Variants in EPSTI1 observed in about 807,000 individuals in gnomAD.
EPSTI1 encodes the protein epithelial stromal interaction 1.
EPSTI1 carries 66 observed loss-of-function variants against 49.9 expected under a neutral mutation model. The observed-to-expected ratio is 1.32, with a 90% CI of 1.08 to 1.62. The LOEUF (loss-of-function observed/expected upper bound fraction) is 1.62, where lower values mean the gene tolerates loss of function less well. Among genes scored for constraint, EPSTI1 ranks in the 40% most tolerant of loss-of-function variants. The pLI, the probability that EPSTI1 is intolerant of heterozygous loss-of-function variation, is 0.00. For synonymous variants in EPSTI1, 137 were observed against 130.7 expected, an observed-to-expected ratio of 1.05 and a Z score of -0.33; for missense variants, 394 against 365.5, an observed-to-expected ratio of 1.08 and a Z score of -0.64.
intron 8 of EPSTI1, among the ~76,000 whole-genome samples, chr13:42,911,269 G>GCGCA (rs373781729): frequency 1.4e-5 from 2 of 138,084 alleles, no homozygotes; most frequent in African/African-American, 2.8e-5. Context: ...GTGTGTGCGC[G>GCGCA]CGCACGCGCG....
At chr13:42,891,449 C>G (rs933576923) in intron 10 of EPSTI1, among the ~76,000 whole-genome samples, 5 of 152,166 alleles carry the variant, frequency 3.3e-5, no homozygotes, top group African/African-American at 1.2e-4. Flanking sequence ...CCCACTTCCC[C>G]ACAGCCTTGC....
intron 5 of EPSTI1, among the ~76,000 whole-genome samples, chr13:42,956,697 ATGG>A (rs1243694888): frequency 6.6e-6 from 1 of 152,182 alleles, no homozygotes; most frequent in East Asian, 1.9e-4. Context: ...AAAGGCAACC[ATGG>A]GCTGGTAGTA....
chr13:42,941,283 G>A (rs2038742237), intron 6 of EPSTI1, among the ~76,000 whole-genome samples: 1 of 152,038 alleles, frequency 6.6e-6, no homozygotes, highest in African/African-American at 2.4e-5. Context: ...ATATAAACAT[G>A]GGTCTACTTT....
intron 9 of EPSTI1, among the ~76,000 whole-genome samples, chr13:42,899,270 A>T (rs1195521515): frequency 6.6e-6 from 1 of 152,164 alleles, no homozygotes; most frequent in Non-Finnish European, 1.5e-5. Context: ...CTACTTTATA[A>T]TAAATAAGTA....
At chr13:42,941,997 A>G (rs1319622549) in intron 6 of EPSTI1, among the ~76,000 whole-genome samples, 1 of 152,210 alleles carries the variant, frequency 6.6e-6, no homozygotes, top group Non-Finnish European at 1.5e-5. Flanking sequence ...CATAGTCTAT[A>G]TTAGAGACAA....
intron 10 of EPSTI1, among the ~76,000 whole-genome samples, chr13:42,890,182 T>G (rs1226947070): frequency 1.3e-5 from 2 of 152,216 alleles, no homozygotes; most frequent in African/African-American, 4.8e-5. Context: ...GATTCCAATT[T>G]ATGTGAATCT....
intron 6 of EPSTI1, chr13:42,934,053 A>G: frequency 4.9e-6 from 1 of 202,678 alleles, no homozygotes; most frequent in South Asian, 1.0e-4. Flanking sequence ...ACATGAAACC[A>G]TACCTTCATT....
At chr13:42,945,957 A>G (rs910266745) in intron 6 of EPSTI1, among the ~76,000 whole-genome samples, 1 of 152,234 alleles carries the variant, frequency 6.6e-6, no homozygotes, top group Non-Finnish European at 1.5e-5. Flanking sequence ...TCACTTTATT[A>G]GCATAAGATA....
At chr13:42,967,636 C>T (rs1039870126) in intron 3 of EPSTI1, among the ~76,000 whole-genome samples, 1 of 152,158 alleles carries the variant, frequency 6.6e-6, no homozygotes, top group African/African-American at 2.4e-5. Context: ...AACAGTGAGG[C>T]CAAGCCCTGC....
chr13:42,926,026 T>TGGAAGGAAGGAA lies in EPSTI1; in HGVS notation c.657+298_657+309dup, dbSNP rs60372725. Among the ~76,000 whole-genome samples, 645 of 142,730 alleles carry TGGAAGGAAGGAA rather than the reference T, an allele frequency of 4.5e-3. 10 individuals carry two copies. Among genetic ancestry groups the TGGAAGGAAGGAA allele is most frequent in the African/African-American group, 0.015 (567 of 37,898 alleles). The allele number at this position is 142,730 out of a possible 152,430, so 93.6% of individuals were successfully genotyped here. On this transcript the variant is annotated intron_variant, in intron 7 of 10. Transcript: ENST00000313624. ...AAGGAAGGATGGATGGATGCATGGA[T>TGGAAGGAAGGAA]GGAAGGAAGGAAGGAAGGAAGGTAG...
intron 2 of EPSTI1, chr13:42,969,379 C>T (rs1048863221): frequency 7.4e-5 from 43 of 578,352 alleles, no homozygotes; most frequent in Non-Finnish European, 2.7e-5. Flanking sequence ...ACATTCTCAC[C>T]AAGAGTCAGC....
At chr13:42,988,534 C>T (rs1050983912) in intron 1 of EPSTI1, among the ~76,000 whole-genome samples, 6 of 152,074 alleles carry the variant, frequency 3.9e-5, no homozygotes, top group African/African-American at 9.7e-5. Flanking sequence ...AGTTTGAGAC[C>T]GGCCTGGCCA....
At chr13:42,955,851 A>C (rs1350439530) in intron 5 of EPSTI1, among the ~76,000 whole-genome samples, 11 of 121,458 alleles carry the variant, frequency 9.1e-5, no homozygotes, top group Non-Finnish European at 1.5e-4. Context: ...GCCTCAGCAG[A>C]AGTTGATAGT....
chr13:42,891,931 G>T (rs896118723), intron 10 of EPSTI1, among the ~76,000 whole-genome samples: 4 of 152,220 alleles, frequency 2.6e-5, no homozygotes, highest in African/African-American at 7.2e-5. Flanking sequence ...TAGAAAAAGG[G>T]AGGGGAGCCT....
At chr13:42,911,265 G>GTGCGCA (rs771037394) in intron 8 of EPSTI1, among the ~76,000 whole-genome samples, 1 of 74,544 alleles carries the variant, frequency 1.3e-5, no homozygotes, top group Non-Finnish European at 2.5e-5. Context: ...GTGTGTGTGT[G>GTGCGCA]CGCGCGCACG....
At chr13:42,939,885 C>T (rs188739086) in intron 6 of EPSTI1, among the ~76,000 whole-genome samples, 110 of 152,236 alleles carry the variant, frequency 7.2e-4, no homozygotes, top group Admixed American at 2.4e-3. Flanking sequence ...AAACAAGGCA[C>T]GCCTGTACTT....
At chr13:42,955,077 A>T (rs538264875) in intron 5 of EPSTI1, among the ~76,000 whole-genome samples, 1 of 152,338 alleles carries the variant, frequency 6.6e-6, no homozygotes, top group South Asian at 2.1e-4. Flanking sequence ...GAAAAAAACT[A>T]AAGGAAATTT....
At chr13:42,899,450 C>T (rs536945254) in intron 9 of EPSTI1, among the ~76,000 whole-genome samples, 8 of 152,232 alleles carry the variant, frequency 5.3e-5, no homozygotes, top group Admixed American at 5.2e-4. Context: ...TAAAAGTGAG[C>T]TCCCCGCCCA....
chr13:42,967,658 G>C (rs1305300187), intron 3 of EPSTI1, among the ~76,000 whole-genome samples: 1 of 152,206 alleles, frequency 6.6e-6, no homozygotes, highest in Non-Finnish European at 1.5e-5. Context: ...GACAGGAGAG[G>C]AAATCGTCTG....
Sources: gnomAD v4.1 joint callset for allele counts (sites outside exome capture counted in the v4.1 genomes callset) on GRCh38, gnomAD v4.1.1 for gene constraint, MANE v1.5 for transcripts, NCBI Gene and HGNC (gene_info 2026-07-23, HGNC 2026-07-21) for gene names.